ARHGEF38: variants seen among roughly 807,000 people sequenced by gnomAD.
ARHGEF38 encodes the protein Rho guanine nucleotide exchange factor (GEF) 38.
A neutral mutation model predicts 79.9 loss-of-function variants in ARHGEF38; 79 were observed. That is an observed-to-expected ratio of 0.99 (90% CI 0.82 to 1.19). The LOEUF (loss-of-function observed/expected upper bound fraction) is 1.19, where lower values mean the gene tolerates loss of function less well. ARHGEF38 is among the 50% of genes most tolerant of loss of function. The pLI, the probability that ARHGEF38 is intolerant of heterozygous loss-of-function variation, is 0.00. For missense variants in ARHGEF38, 962 were observed against 907.2 expected, an observed-to-expected ratio of 1.06 and a Z score of -0.78; for synonymous variants, 366 against 328.3, an observed-to-expected ratio of 1.11 and a Z score of -1.24.
In ARHGEF38 at chr4:105,678,804, T is replaced by C. The variant is rs1277955610; in HGVS notation, c.*867T>C. The C allele has an allele frequency of 1.3e-5, 2 of 149,488 alleles. No individual in the cohort carries two copies. Among genetic ancestry groups the C allele is most frequent in the South Asian group, 2.1e-4 (1 of 4,802 alleles). The allele number at this position is 149,488 out of a possible 1,614,324, so 9.3% of individuals were successfully genotyped here. On this transcript the variant is annotated 3_prime_UTR_variant, in exon 14 of 14. Coordinates refer to ENST00000420470, the MANE Select transcript of ARHGEF38 (RefSeq NM_001242729.2). ...CCCCTTCAGCCAGGGCTTTTTTCTT[T>C]CTTTTCTTGTTGTTTTTTTTTTTTT...
At chr4:105,598,506 G>A (rs17325276) in intron 2 of ARHGEF38, among the ~76,000 whole-genome samples, 8,423 of 152,208 alleles carry the variant, frequency 0.055, 263 homozygotes, top group Middle Eastern at 0.078. Context: ...CTTTGTATTG[G>A]CCTTTCTGAA....
At chr4:105,562,255 C>T (rs932262745) in intron 1 of ARHGEF38, among the ~76,000 whole-genome samples, 7 of 152,148 alleles carry the variant, frequency 4.6e-5, no homozygotes, top group Non-Finnish European at 1.0e-4. Flanking sequence ...TGAAATTATA[C>T]TACTTCATTC....
intron 3 of ARHGEF38, among the ~76,000 whole-genome samples, chr4:105,622,557 G>T (rs1450474154): frequency 1.3e-5 from 2 of 152,138 alleles, no homozygotes; most frequent in African/African-American, 4.8e-5. Context: ...TTGCCTTCCT[G>T]TAATAAAAAG....
chr4:105,630,553 C>A (rs1301470125), intron 3 of ARHGEF38, among the ~76,000 whole-genome samples: 2 of 152,238 alleles, frequency 1.3e-5, no homozygotes, highest in Middle Eastern at 3.4e-3. Context: ...CACTGCAACT[C>A]TTAACCGCAA....
intron 5 of ARHGEF38, among the ~76,000 whole-genome samples, chr4:105,637,235 T>A (rs1729434727): frequency 6.6e-6 from 1 of 152,054 alleles, no homozygotes; most frequent in South Asian, 2.1e-4. Context: ...GCAGCAAATA[T>A]CTGTCATTCA....
chr4:105,610,406 C>A lies in ARHGEF38; in HGVS notation c.385-2978C>A, dbSNP rs369968569. On this transcript the variant is annotated intron_variant, in intron 2 of 13. Transcript: ENST00000420470. ...TCTGAATTATTATATATTGACTTGA[C>A]TTAGAATAGTGTGTACTCAGACTGT... is the stretch of plus-strand genomic sequence containing the variant. 5.3e-5 allele frequency among the ~76,000 whole-genome samples: 8 copies of A among 152,022 alleles called. No homozygotes were observed. The East Asian group carries it at 7.7e-4, about 15-fold the overall frequency.
chr4:105,645,089 G>A, intron 5 of ARHGEF38, 99 bp from the exon 6 acceptor site: 1 of 939,632 alleles, frequency 1.1e-6, no homozygotes, highest in Non-Finnish European at 1.4e-6. Flanking sequence ...ATGAAAAAAA[G>A]AGAAAATGTT....
intron 2 of ARHGEF38, among the ~76,000 whole-genome samples, chr4:105,601,947 A>C (rs1310234539): frequency 6.6e-6 from 1 of 152,108 alleles, no homozygotes; most frequent in African/African-American, 2.4e-5. Context: ...TTTATGAATC[A>C]TGAATTTTGT....
chr4:105,609,515 A>G (rs1193224687), intron 2 of ARHGEF38, among the ~76,000 whole-genome samples: 1 of 152,094 alleles, frequency 6.6e-6, no homozygotes, highest in Non-Finnish European at 1.5e-5. Flanking sequence ...TAATACTGTT[A>G]AAATATCCAT....
At chr4:105,644,090 A>T (rs772103153) in intron 5 of ARHGEF38, among the ~76,000 whole-genome samples, 8 of 150,786 alleles carry the variant, frequency 5.3e-5, no homozygotes, top group Non-Finnish European at 8.9e-5. Flanking sequence ...CTGGTCTTGA[A>T]CTCCTGGGCT....
At position 105,654,187 on chromosome 4, in the gene ARHGEF38, G is replaced by T; in HGVS notation, c.1113+18G>T. 1 of 1,360,558 alleles carries T rather than the reference G, an allele frequency of 7.3e-7. No individual in the cohort carries two copies. Among genetic ancestry groups the T allele is most frequent in the Non-Finnish European group, 9.9e-7 (1 of 1,012,218 alleles). The allele number at this position is 1,360,558 out of a possible 1,614,324, so 84.3% of individuals were successfully genotyped here. On this transcript the variant is annotated intron_variant, in intron 8 of 13. Transcript: ENST00000420470. Reference sequence around the variant, plus strand: ...ACATACAGGTAGGTGAGACACAACTGTTTTCAGTGTTCTACAGGAACATCT... The same window carrying T: ...ACATACAGGTAGGTGAGACACAACTTTTTTCAGTGTTCTACAGGAACATCT...
At chr4:105,585,169 ATT>A (rs67691240) in intron 1 of ARHGEF38, among the ~76,000 whole-genome samples, 1 of 152,034 alleles carries the variant, frequency 6.6e-6, no homozygotes, top group African/African-American at 2.4e-5. Context: ...AAGTAACCCT[ATT>A]TTTCCCATTC....
At chr4:105,570,278 A>G (rs866042787) in intron 1 of ARHGEF38, 51 of 152,382 alleles carry the variant, frequency 3.3e-4, no homozygotes, top group African/African-American at 1.2e-3. Context: ...TGCTCTTATT[A>G]TAGGCTTATC....
intron 10 of ARHGEF38, among the ~76,000 whole-genome samples, chr4:105,665,176 A>AATT (rs542598625): frequency 4.0e-5 from 6 of 151,418 alleles, no homozygotes; most frequent in African/African-American, 7.3e-5. Context: ...TTTATTTATT[A>AATT]ATTATTATTA....
In ARHGEF38 at chr4:105,640,470, A is replaced by G. The variant is rs77250630; in HGVS notation, c.674+4050A>G. On this transcript the variant is annotated intron_variant, in intron 5 of 13. Transcript: ENST00000420470. Reference sequence around the variant, plus strand: ...TTCAAGACAACCAGATGCATTATGTATGCTATCAATTTCATCTCCCCAAAA... The same window carrying G: ...TTCAAGACAACCAGATGCATTATGTGTGCTATCAATTTCATCTCCCCAAAA... Among the ~76,000 whole-genome samples the G allele has an allele frequency of 3.8e-3, 584 of 152,218 alleles. 4 individuals are homozygous for G. Among genetic ancestry groups the G allele is most frequent in the South Asian group, 3.7e-3 (18 of 4,830 alleles).
rs77315155 is a variant in ARHGEF38, at chr4:105,627,863, A to T, written c.509-3035A>T. On this transcript the variant is annotated intron_variant, in intron 3 of 13. Coordinates refer to ENST00000420470, the MANE Select transcript of ARHGEF38 (RefSeq NM_001242729.2). Reference sequence around the variant, plus strand: ...GACACACTGCTTCATCTGCACTATTATGAAGCAGAATACATTGGTAGGGCT... The same window carrying T: ...GACACACTGCTTCATCTGCACTATTTTGAAGCAGAATACATTGGTAGGGCT... Among the ~76,000 whole-genome samples, 1,468 of 152,304 alleles carry T rather than the reference A, an allele frequency of 9.6e-3. 7 individuals are homozygous for T. The highest frequency in any genetic ancestry group is 0.017 in the Admixed American group (260 of 15,298).
At chr4:105,575,555 C>CT (rs1270475180) in intron 1 of ARHGEF38, among the ~76,000 whole-genome samples, 2 of 152,142 alleles carry the variant, frequency 1.3e-5, no homozygotes, top group East Asian at 3.9e-4. Context: ...GATATTAGTC[C>CT]TTTTTCAGAG....
At chr4:105,640,762 A>G (rs1729585944) in intron 5 of ARHGEF38, among the ~76,000 whole-genome samples, 1 of 152,212 alleles carries the variant, frequency 6.6e-6, no homozygotes, top group Admixed American at 6.5e-5. Context: ...CGAATTCTAA[A>G]TTGGAAACCA....
intron 7 of ARHGEF38, 148 bp downstream of exon 7, chr4:105,648,830 CTCTCTCTCTCTCTCTCTT>C (rs1476516963): frequency 1.8e-4 from 115 of 645,172 alleles, no homozygotes; most frequent in African/African-American, 1.7e-3. Flanking sequence ...CTCTCTCTCT[CTCTCTCTCTCTCTCTCTT>C]TCTCTCTCTC....
Sources: allele counts gnomAD v4.1 joint callset (sites outside exome capture counted in the v4.1 genomes callset), GRCh38; gene constraint gnomAD v4.1.1; transcripts MANE v1.5; gene names NCBI Gene and HGNC (gene_info 2026-07-23, HGNC 2026-07-21).